Variants in RNF135 observed in about 807,000 individuals in gnomAD.
RNF135 encodes the protein E3 ubiquitin-protein ligase RNF135.
Under a neutral mutation model 41.9 loss-of-function variants are expected in RNF135, and 46 were observed. That is an observed-to-expected ratio of 1.10 (90% CI 0.87 to 1.40). The LOEUF (loss-of-function observed/expected upper bound fraction) is 1.40, where lower values mean the gene tolerates loss of function less well. Among genes scored for constraint, RNF135 ranks in the 40% most tolerant of loss-of-function variants. The pLI is 0.00. For synonymous variants in RNF135, 238 were observed against 223.8 expected (o/e 1.06, Z -0.57); for missense variants, 539 against 549.8 (o/e 0.98, Z 0.20).
intron 1 of RNF135, among the ~76,000 whole-genome samples, chr17:30,977,962 A>G (rs113294230): frequency 6.6e-5 from 10 of 151,924 alleles, no homozygotes; most frequent in Non-Finnish European, 1.5e-4. Flanking sequence ...TGTCTGGGAG[A>G]GTCTATTTCT....
In RNF135 at chr17:30,982,240, G is replaced by A. The variant is rs1418068404; in HGVS notation, c.373-2377G>A. ...AGACTGCCTTTCAAGTTTATTTAGA[G>A]CCCCAGAGCACTTCAGCCCACAGTG... On this transcript the variant is annotated intron_variant, in intron 1 of 4. Coordinates refer to ENST00000328381, the MANE Select transcript of RNF135 (RefSeq NM_032322.4). Among the ~76,000 whole-genome samples, 5 of 152,134 alleles carry A rather than the reference G, an allele frequency of 3.3e-5. No individual in the cohort carries two copies. In the East Asian group the frequency reaches 9.6e-4, roughly 29 times the overall value.
At chr17:30,995,477 G>C (rs1181819932) in intron 3 of RNF135, among the ~76,000 whole-genome samples, 3 of 152,038 alleles carry the variant, frequency 2.0e-5, no homozygotes, top group Admixed American at 2.0e-4. Context: ...AAGTGAGCCT[G>C]CTGCCTCAGC....
At chr17:30,962,414 G>A in the RNF135 span, among the ~76,000 whole-genome samples, 1 of 151,976 alleles carries the variant, frequency 6.6e-6, no homozygotes, top group Admixed American at 6.6e-5. Context: ...TTACAGGCAT[G>A]AGCCACCGCG....
chr17:30,961,837 C>A, the RNF135 span, among the ~76,000 whole-genome samples: 5 of 152,286 alleles, frequency 3.3e-5, no homozygotes, highest in East Asian at 1.9e-4. Flanking sequence ...AAAAAATACA[C>A]CCCTGGGTGG....
intron 1 of RNF135, among the ~76,000 whole-genome samples, chr17:30,980,440 G>A (rs1907017816): frequency 7.0e-6 from 1 of 142,930 alleles, no homozygotes; most frequent in Non-Finnish European, 1.6e-5. Flanking sequence ...CTTCCCAGTA[G>A]GGGCGGCCGG....
At chr17:30,971,685 G>A in intron 1 of RNF135, 1 of 1,331,982 alleles carries the variant, frequency 7.5e-7, no homozygotes, top group South Asian at 2.0e-5. Context: ...ACACAGCTTG[G>A]CATATTTCAA....
At chr17:30,960,889 G>A in the RNF135 span, among the ~76,000 whole-genome samples, 2 of 151,524 alleles carry the variant, frequency 1.3e-5, no homozygotes, top group Non-Finnish European at 1.5e-5. Context: ...ACAGGCGCCC[G>A]CCACTATGCC....
chr17:30,979,980 G>A (rs1342779600), intron 1 of RNF135, among the ~76,000 whole-genome samples: 1 of 111,136 alleles, frequency 9.0e-6, no homozygotes, highest in Non-Finnish European at 1.9e-5. Flanking sequence ...CTGGCCAGGC[G>A]GGGGGCTGAT....
At chr17:30,989,754 C>T (rs1452397492) in intron 3 of RNF135, among the ~76,000 whole-genome samples, 3 of 152,296 alleles carry the variant, frequency 2.0e-5, no homozygotes, top group East Asian at 3.9e-4. Flanking sequence ...AATCCCAGCA[C>T]TTTGGGAGGC....
the RNF135 span, among the ~76,000 whole-genome samples, chr17:30,960,556 GCTT>G: frequency 2.0e-5 from 3 of 151,964 alleles, no homozygotes; most frequent in Admixed American, 6.6e-5. Context: ...GTGAGACTCT[GCTT>G]CAGCAAAGAA....
chr17:30,964,344 G>A, the RNF135 span, among the ~76,000 whole-genome samples: 10 of 140,110 alleles, frequency 7.1e-5, no homozygotes, highest in African/African-American at 2.9e-4. Flanking sequence ...AGCCGAGATC[G>A]TGCCATTGCA....
chr17:30,990,785 T>C (rs557025011), intron 3 of RNF135, among the ~76,000 whole-genome samples: 6 of 152,342 alleles, frequency 3.9e-5, no homozygotes, highest in African/African-American at 1.4e-4. Flanking sequence ...ATCTTTATTT[T>C]ATAGTACAGT....
At chr17:30,965,228 C>G in the RNF135 span, 1 of 152,014 alleles carries the variant, frequency 6.6e-6, no homozygotes, top group Non-Finnish European at 1.5e-5. Flanking sequence ...TGCTTGTAGT[C>G]CCAGCTATTT....
intron 4 of RNF135, among the ~76,000 whole-genome samples, chr17:30,998,412 T>C (rs534774295): frequency 6.6e-6 from 1 of 152,276 alleles, no homozygotes; most frequent in East Asian, 1.9e-4. Context: ...ATATAATAAG[T>C]GTACATATTT....
chr17:30,984,391 A>G (rs1907435997), intron 1 of RNF135, among the ~76,000 whole-genome samples: 1 of 152,138 alleles, frequency 6.6e-6, no homozygotes, highest in Non-Finnish European at 1.5e-5. Context: ...TCACAGTACA[A>G]TTTGTTGAAA....
At chr17:30,976,204 C>T (rs1906445136) in intron 1 of RNF135, among the ~76,000 whole-genome samples, 1 of 152,124 alleles carries the variant, frequency 6.6e-6, no homozygotes, top group Non-Finnish European at 1.5e-5. Flanking sequence ...CGGGGTTTCA[C>T]CATGTTGGCC....
rs1907708509 is a variant in RNF135 at position 30,988,002 on chromosome 17, C to G, written c.575C>G (p.Thr192Arg). Reference protein sequence around the residue: ...MASPKLVTSDTAAGKIRDILH... With the variant: ...MASPKLVTSDRAAGKIRDILH... ...TCTCCAAAGCTGGTGACTTCCGACA[C>G]AGCTGCAGGGAAAATCAGAGATATT... The change falls in exon 3 of 5, where the codon ACA becomes AGA. Residue 192 changes from threonine (T) to arginine (R), a missense_variant. Physicochemically the swap from Thr to Arg is moderately conservative, Grantham distance 71. This residue lies in a region of RNF135 where 262 missense variants were observed against 336.9 expected (regional missense o/e 0.78). Coordinates refer to ENST00000328381, the MANE Select transcript of RNF135 (RefSeq NM_032322.4). 1 of 1,614,102 alleles carries G rather than the reference C, an allele frequency of 6.2e-7. No individual in the cohort carries two copies. The highest frequency in any genetic ancestry group is 8.5e-7 in the Non-Finnish European group (1 of 1,179,990).
chr17:30,970,919 G>T, upstream of RNF135: 1 of 1,069,808 alleles, frequency 9.3e-7, no homozygotes, highest in Non-Finnish European at 1.3e-6. Flanking sequence ...GTTTTCAGCA[G>T]GATCGGAGGA....
chr17:30,994,797 C>T (rs1908228223), intron 3 of RNF135, among the ~76,000 whole-genome samples: 1 of 151,126 alleles, frequency 6.6e-6, no homozygotes, highest in Non-Finnish European at 1.5e-5. Context: ...CCACACCTGG[C>T]TAATTTTTTT....
Sources: allele counts gnomAD v4.1 joint callset (sites outside exome capture counted in the v4.1 genomes callset), GRCh38; gene constraint gnomAD v4.1.1; regional missense constraint gnomAD v4.1.1; transcripts MANE v1.5; gene names NCBI Gene and HGNC (gene_info 2026-07-23, HGNC 2026-07-21).